PCDHGA8: variants seen among roughly 807,000 people sequenced by gnomAD.
PCDHGA8 encodes protocadherin gamma-A8.
PCDHGA8 carries 45 observed loss-of-function variants against 59.2 expected under a neutral mutation model. That is an observed-to-expected ratio of 0.76 (90% CI 0.60 to 0.98). The LOEUF (loss-of-function observed/expected upper bound fraction) is 0.98, where lower values mean the gene tolerates loss of function less well. PCDHGA8 is among the 50% of genes least tolerant of loss of function. PCDHGA8 has a pLI of 0.00. For missense variants in PCDHGA8, 1,257 were observed against 1,196.2 expected (o/e 1.05, Z -0.75); for synonymous variants, 531 against 519.0 (o/e 1.02, Z -0.32).
chr5:141,428,949 G>T (rs2097173007), intron 1 of PCDHGA8: 1 of 152,034 alleles, frequency 6.6e-6, no homozygotes, highest in Admixed American at 6.6e-5. Flanking sequence ...CTGCCTTCCG[G>T]GTTCTGGCCA....
intron 1 of PCDHGA8, chr5:141,412,426 A>G (rs1051574976): frequency 2.6e-5 from 4 of 152,234 alleles, no homozygotes; most frequent in African/African-American, 9.6e-5. Context: ...GTTTTACACA[A>G]AAAGGTTAAT....
chr5:141,417,871 C>T (rs1317007566), intron 1 of PCDHGA8: 1 of 1,554,006 alleles, frequency 6.4e-7, no homozygotes, highest in African/African-American at 1.4e-5. Context: ...TGGGAGGGAG[C>T]TGCGCGCAGA....
chr5:141,418,430 T>G (rs1331082135), intron 1 of PCDHGA8: 1 of 1,613,908 alleles, frequency 6.2e-7, no homozygotes, highest in South Asian at 1.1e-5. Flanking sequence ...TGGTGGCAAA[T>G]ATCCAGAATT....
chr5:141,418,928 A>T (rs762769886), intron 1 of PCDHGA8: 1 of 1,613,978 alleles, frequency 6.2e-7, no homozygotes, highest in East Asian at 2.2e-5. Context: ...TGATCAGATT[A>T]TGGAGGATTC....
At chr5:141,447,182 C>G (rs1205769161) in intron 1 of PCDHGA8, among the ~76,000 whole-genome samples, 1 of 152,126 alleles carries the variant, frequency 6.6e-6, no homozygotes, top group Non-Finnish European at 1.5e-5. Flanking sequence ...TCTTGTCGCG[C>G]AGGCTGGAGT....
chr5:141,403,532 C>A (rs1313886103), intron 1 of PCDHGA8: 1 of 1,613,892 alleles, frequency 6.2e-7, no homozygotes, highest in Non-Finnish European at 8.5e-7. Context: ...AAACCCAGAG[C>A]TGGTGCTGGA....
At chr5:141,464,156 T>C (rs2099077051) in intron 1 of PCDHGA8, among the ~76,000 whole-genome samples, 2 of 151,752 alleles carry the variant, frequency 1.3e-5, no homozygotes, top group Non-Finnish European at 1.5e-5. Context: ...TCCCAGCTAC[T>C]TGGAAGGCTG....
intron 1 of PCDHGA8, chr5:141,421,909 C>T: frequency 1.9e-6 from 3 of 1,613,710 alleles, no homozygotes; most frequent in Non-Finnish European, 2.5e-6. Context: ...GGGCGCAGTT[C>T]CCATTCGTGT....
At position 141,404,863 on chromosome 5, in the gene PCDHGA8, G is replaced by A. The variant is rs370856862; in HGVS notation, c.2424+9626G>A. 507 of 1,613,746 alleles carry A rather than the reference G, an allele frequency of 3.1e-4. 2 individuals are homozygous for A. The highest frequency in any genetic ancestry group is 3.8e-4 in the Non-Finnish European group (451 of 1,179,902). On this transcript the variant is annotated intron_variant, in intron 1 of 3. Coordinates refer to ENST00000398604, the MANE Select transcript of PCDHGA8 (RefSeq NM_032088.2). ...CTCGGGCCCTGCTAGATAGAGATGC[G>A]CTCAAACAGAGCCTTGTGGTGGCTG...
chr5:141,464,524 T>C (rs2099086175), intron 1 of PCDHGA8, among the ~76,000 whole-genome samples: 1 of 152,094 alleles, frequency 6.6e-6, no homozygotes, highest in Non-Finnish European at 1.5e-5. Context: ...AAGGCATATG[T>C]AGTTTTGTTA....
Position 141,399,184 on chromosome 5 carries a change from C to T in PCDHGA8, c.2424+3947C>T, listed in dbSNP as rs1398440525. The T allele has an allele frequency of 1.9e-6, 3 of 1,613,746 alleles. No individual in the cohort carries two copies. In the African/African-American group the frequency reaches 4.0e-5, roughly 22 times the overall value. On this transcript the variant is annotated intron_variant, in intron 1 of 3. Coordinates refer to ENST00000398604, the MANE Select transcript of PCDHGA8 (RefSeq NM_032088.2). The stretch of plus-strand genomic sequence containing the variant: ...ATTCCATTCTCTACTTGAAATGATT[C>T]TGGAAAACGCGGTGCCTGGAACACT...
intron 1 of PCDHGA8, among the ~76,000 whole-genome samples, chr5:141,469,436 G>T (rs556417221): frequency 6.6e-6 from 1 of 152,002 alleles, no homozygotes; most frequent in Non-Finnish European, 1.5e-5. Flanking sequence ...TTAGCTGGGC[G>T]TGGTGGTGCA....
intron 1 of PCDHGA8, among the ~76,000 whole-genome samples, chr5:141,456,206 T>C (rs966457070): frequency 6.6e-6 from 1 of 152,098 alleles, no homozygotes; most frequent in African/African-American, 2.4e-5. Context: ...ACCACATTCC[T>C]CCCTGTGGCG....
chr5:141,483,711 A>G (rs1258383632), intron 1 of PCDHGA8, among the ~76,000 whole-genome samples: 2 of 152,122 alleles, frequency 1.3e-5, no homozygotes, highest in African/African-American at 2.4e-5. Context: ...TGACACCAGA[A>G]TATTGGTTCC....
intron 1 of PCDHGA8, chr5:141,408,948 T>C (rs768951087): frequency 6.2e-7 from 1 of 1,613,478 alleles, no homozygotes; most frequent in Non-Finnish European, 8.5e-7. Context: ...GAATATAGAA[T>C]TAGTCTTAGT....
At chr5:141,400,456 T>C (rs1439726103) in intron 1 of PCDHGA8, 2 of 1,614,090 alleles carry the variant, frequency 1.2e-6, no homozygotes, top group Non-Finnish European at 1.7e-6. Flanking sequence ...AGACATACTT[T>C]GTGGTGATTC....
chr5:141,413,445 C>A (rs764464917), intron 1 of PCDHGA8: 1 of 1,613,986 alleles, frequency 6.2e-7, no homozygotes, highest in Admixed American at 1.7e-5. Flanking sequence ...GCTTGATCAC[C>A]GCGGGCAGGA....
In PCDHGA8 at chr5:141,431,746, G is replaced by C. The variant is rs780453684; in HGVS notation, c.2424+36509G>C. 6.2e-7 allele frequency: 1 copy of C among 1,614,062 alleles called. No individual in the cohort carries two copies. Among genetic ancestry groups the C allele is most frequent in the African/African-American group, 1.3e-5 (1 of 74,932 alleles). On this transcript the variant is annotated intron_variant, in intron 1 of 3. Transcript: ENST00000398604. The surrounding 1 kb of genome is among the most constrained non-coding windows in gnomAD (Gnocchi z 4.8). ...CAATGGATAATGCAGGATATTCTGC[G>C]CGAGCCAAAGTCCTGATCACTGTTC... is the stretch of plus-strand genomic sequence containing the variant.
Position 141,394,179 on chromosome 5 carries a change from T to C in PCDHGA8, c.1366T>C (p.Ser456Pro). The C allele has an allele frequency of 2.5e-6, 4 of 1,613,868 alleles. No individual in the cohort carries two copies. The South Asian group carries it at 4.4e-5, about 18-fold the overall frequency. The change falls in exon 1 of 4, where the codon TCC (serine) becomes CCC (proline). Residue 456 changes from serine (S) to proline (P), a missense_variant. By Grantham distance (74) the Ser-to-Pro change is moderately conservative. Coordinates refer to ENST00000398604, the MANE Select transcript of PCDHGA8 (RefSeq NM_032088.2). ...NDNPPTFPHA[S>P]YSAYILENNL... ...CAACCCTCCTACTTTCCCTCATGCC[T>C]CCTACTCAGCGTATATCCTAGAGAA...
Sources: allele counts gnomAD v4.1 joint callset (sites outside exome capture counted in the v4.1 genomes callset), GRCh38; gene constraint gnomAD v4.1.1; non-coding constraint Gnocchi (gnomAD v3.1); transcripts MANE v1.5; gene names NCBI Gene and HGNC (gene_info 2026-07-23, HGNC 2026-07-21).